The following OPCML variants were observed in gnomAD, a reference collection of about 807,000 sequenced individuals.
OPCML encodes the protein opioid binding protein/cell adhesion molecule like.
Under a neutral mutation model 37.8 loss-of-function variants are expected in OPCML, and 13 were observed. The ratio of observed to expected loss-of-function variants is 0.34; its 90% CI spans 0.22 to 0.55. The LOEUF (loss-of-function observed/expected upper bound fraction) is 0.55, where lower values mean the gene tolerates loss of function less well. OPCML is among the 20% of genes least tolerant of loss of function. The pLI is 0.91. For missense variants in OPCML, 341 were observed against 435.6 expected (o/e 0.78, Z 1.93); for synonymous variants, 176 against 168.8 (o/e 1.04, Z -0.33).
At chr11:132,488,361 CCTAGATGGTACAGCCTACTATACACTAGG>C (rs2096206369) in intron 4 of OPCML, among the ~76,000 whole-genome samples, 1 of 152,184 alleles carries the variant, frequency 6.6e-6, no homozygotes, top group Non-Finnish European at 1.5e-5. Context: ...CTTACACAAA[CCTAGATGGTACAGCCTACTATACACTAGG>C]CTAGATGGCA....
At chr11:132,493,936 C>T (rs977948139) in intron 4 of OPCML, among the ~76,000 whole-genome samples, 6 of 152,154 alleles carry the variant, frequency 3.9e-5, no homozygotes, top group African/African-American at 7.2e-5. Flanking sequence ...AAACAATTTC[C>T]GCTTGTTGTG....
intron 1 of OPCML, among the ~76,000 whole-genome samples, chr11:133,255,601 A>G (rs1444629177): frequency 1.3e-5 from 2 of 152,212 alleles, no homozygotes; most frequent in Non-Finnish European, 2.9e-5. Flanking sequence ...GAAGAAGAAA[A>G]ACAAAACTCT....
chr11:133,163,979 C>T (rs942271994), intron 1 of OPCML, among the ~76,000 whole-genome samples: 1 of 152,196 alleles, frequency 6.6e-6, no homozygotes, highest in East Asian at 1.9e-4. Flanking sequence ...TGTCCCTCCC[C>T]CTCTACCAAT....
chr11:133,022,591 G>A (rs751261740), intron 1 of OPCML, among the ~76,000 whole-genome samples: 3 of 151,218 alleles, frequency 2.0e-5, no homozygotes, highest in Non-Finnish European at 1.5e-5. Context: ...TCATTCCAAC[G>A]CATTTTTTAA....
intron 1 of OPCML, among the ~76,000 whole-genome samples, chr11:133,215,288 G>A (rs923726130): frequency 2.0e-5 from 3 of 152,158 alleles, no homozygotes; most frequent in South Asian, 2.1e-4. Flanking sequence ...TTAAAATCGC[G>A]AGGCCACTAA....
chr11:132,762,756 G>A (rs1259243922), intron 2 of OPCML, among the ~76,000 whole-genome samples: 1 of 152,108 alleles, frequency 6.6e-6, no homozygotes. Flanking sequence ...GGGCTCCGTG[G>A]GGGTGGGATC....
rs59577218 is a variant in OPCML, at chr11:133,140,186, CAAT to C, written c.62-197179_62-197177del. ...TGGGCGACAGAGTGAGACTCCGTCT[CAAT>C]AATAATAATAATAATAATAATAATA... On this transcript the variant is annotated intron_variant, in intron 1 of 7. Coordinates refer to ENST00000524381, the MANE Select transcript of OPCML (RefSeq NM_001012393.5). Among the ~76,000 whole-genome samples the C allele has an allele frequency of 5.0e-3, 626 of 124,800 alleles. 2 individuals carry two copies. The highest frequency in any genetic ancestry group is 0.014 in the African/African-American group (457 of 32,552). 81.9% of individuals were successfully genotyped at this position (124,800 alleles called of 152,430 possible).
intron 1 of OPCML, among the ~76,000 whole-genome samples, chr11:133,147,563 G>A (rs1949915186): frequency 6.6e-6 from 1 of 152,152 alleles, no homozygotes; most frequent in Non-Finnish European, 1.5e-5. Flanking sequence ...ATGGGGATAA[G>A]AATGCTTACC....
At chr11:133,463,119 C>CA (rs558107695) in intron 1 of OPCML, among the ~76,000 whole-genome samples, 7,993 of 49,278 alleles carry the variant, frequency 0.16, 1,262 homozygotes, top group African/African-American at 0.37. Context: ...ACATCAGGCT[C>CA]AAAAAAAAAA....
chr11:133,279,019 A>G (rs1028129999), intron 1 of OPCML, among the ~76,000 whole-genome samples: 2 of 152,220 alleles, frequency 1.3e-5, no homozygotes, highest in Non-Finnish European at 2.9e-5. Context: ...AACAAATGCT[A>G]GCGCTTAAAC....
At chr11:133,340,763 G>A (rs1414101199) in intron 1 of OPCML, among the ~76,000 whole-genome samples, 2 of 152,066 alleles carry the variant, frequency 1.3e-5, no homozygotes, top group Non-Finnish European at 2.9e-5. Context: ...GCTAGGTAGA[G>A]AGAGGCTTAA....
intron 2 of OPCML, among the ~76,000 whole-genome samples, chr11:132,662,984 T>C (rs1942049406): frequency 6.6e-6 from 1 of 152,254 alleles, no homozygotes; most frequent in South Asian, 2.1e-4. Context: ...TTATGTTTCC[T>C]CCTTTGTTAC....
At chr11:133,343,764 A>G (rs368947595) in intron 1 of OPCML, among the ~76,000 whole-genome samples, 2 of 152,226 alleles carry the variant, frequency 1.3e-5, no homozygotes, top group East Asian at 3.9e-4. Flanking sequence ...GGGAAAAAAG[A>G]GGCCTGACAC....
At chr11:133,406,617 A>G (rs1002872012) in intron 1 of OPCML, among the ~76,000 whole-genome samples, 1 of 152,294 alleles carries the variant, frequency 6.6e-6, no homozygotes, top group Middle Eastern at 3.4e-3. Context: ...TGCTCCAATG[A>G]GATGTAATAA....
At chr11:132,631,093 C>A (rs1481725393) in intron 3 of OPCML, among the ~76,000 whole-genome samples, 5 of 151,828 alleles carry the variant, frequency 3.3e-5, no homozygotes, top group Non-Finnish European at 7.4e-5. Context: ...TGATAGATAT[C>A]AAAAGAGTAC....
chr11:133,295,145 C>G (rs1335469333), intron 1 of OPCML, among the ~76,000 whole-genome samples: 2 of 152,064 alleles, frequency 1.3e-5, no homozygotes, highest in Non-Finnish European at 2.9e-5. Context: ...AGCTTCAAAC[C>G]CAACTTCTTT....
At chr11:132,769,550 A>G (rs1229659148) in intron 2 of OPCML, among the ~76,000 whole-genome samples, 2 of 152,186 alleles carry the variant, frequency 1.3e-5, no homozygotes, top group Non-Finnish European at 2.9e-5. Context: ...AACAAAAGCA[A>G]TGAGTGAGAT....
At chr11:132,513,642 T>C (rs1320597232) in intron 4 of OPCML, among the ~76,000 whole-genome samples, 1 of 152,190 alleles carries the variant, frequency 6.6e-6, no homozygotes, top group African/African-American at 2.4e-5. Flanking sequence ...AGAATATTTC[T>C]CTTTGCCTCT....
At chr11:132,511,348 C>T (rs1465620339) in intron 4 of OPCML, among the ~76,000 whole-genome samples, 2 of 151,924 alleles carry the variant, frequency 1.3e-5, no homozygotes, top group African/African-American at 2.4e-5. Context: ...TCAACTGTTC[C>T]AAAATTAACA....
Sources: allele counts gnomAD v4.1 joint callset (sites outside exome capture counted in the v4.1 genomes callset), GRCh38; gene constraint gnomAD v4.1.1; transcripts MANE v1.5; gene names NCBI Gene and HGNC (gene_info 2026-07-23, HGNC 2026-07-21).